The following CMTM5 variants were observed in gnomAD, a reference collection of about 807,000 sequenced individuals.
CMTM5 encodes the protein CKLF-like MARVEL transmembrane domain-containing protein 5.
A neutral mutation model predicts 26.9 loss-of-function variants in CMTM5; 25 were observed. The observed-to-expected ratio is 0.93, with a 90% CI of 0.68 to 1.30. CMTM5 has a LOEUF of 1.30. Among genes scored for constraint, CMTM5 ranks in the 50% most tolerant of loss-of-function variants. CMTM5 has a pLI of 0.00. For missense variants in CMTM5, 292 were observed against 289.6 expected, an observed-to-expected ratio of 1.01 and a Z score of -0.06; for synonymous variants, 98 against 115.5, an observed-to-expected ratio of 0.85 and a Z score of 0.97.
At position 23,378,906 on chromosome 14, in the gene CMTM5, G is replaced by GTGTCTCT. The variant is rs1566500848; in HGVS notation, c.480+39_480+40insTCTCTTG. ...GTCTCTTGAATGTGCTTCATATTGT[G>GTGTCTCT]TGAGGGGTATCCTATGGAGGGGTTC... On this transcript the variant is annotated intron_variant, in intron 3 of 5. Transcript: ENST00000339180. The surrounding 1 kb of genome is among the most constrained non-coding windows in gnomAD (Gnocchi z 4.2). 6.2e-7 allele frequency: 1 copy of GTGTCTCT among 1,610,150 alleles called. No homozygotes were observed. The highest frequency in any genetic ancestry group is 1.1e-5 in the South Asian group (1 of 90,688).
At position 23,379,766 on chromosome 14, in the gene CMTM5, A is replaced by G. The variant is rs2138573613; in HGVS notation, c.*279A>G. On this transcript the variant is annotated 3_prime_UTR_variant, in exon 6 of 6. Coordinates refer to ENST00000339180, the MANE Select transcript of CMTM5 (RefSeq NM_001288746.2). ...AGTCATTCCCAAATTAAAATATTCA[A>G]ATTCTACTGGTGAGTCTCTTTCTTC... 1 of 725,828 alleles carries G rather than the reference A, an allele frequency of 1.4e-6. No individual in the cohort carries two copies. Among genetic ancestry groups the G allele is most frequent in the Non-Finnish European group, 2.2e-6 (1 of 458,796 alleles). The allele number at this position is 725,828 out of a possible 1,614,324, so 45.0% of individuals were successfully genotyped here.
chr14:23,377,260 T>C lies in CMTM5; in HGVS notation c.9T>C (p.Ser3=), dbSNP rs550747617. Residue 3 remains serine, a synonymous_variant, in exon 1 of 6, where the codon AGT becomes AGC. Coordinates refer to ENST00000339180, the MANE Select transcript of CMTM5 (RefSeq NM_001288746.2). The surrounding 1 kb of genome is among the most constrained non-coding windows in gnomAD (Gnocchi z 4.6). Reference sequence around the variant, plus strand: ...TGGTGGGCCCTACGAAGATGCTCAGTGCTCGAGATCGCCGGGACCGGCACC... The same window carrying C: ...TGGTGGGCCCTACGAAGATGCTCAGCGCTCGAGATCGCCGGGACCGGCACC... ML[S]ARDRRDRHPE... The C allele has an allele frequency of 6.2e-7, 1 of 1,612,374 alleles. No individual in the cohort carries two copies. Among genetic ancestry groups the C allele is most frequent in the East Asian group, 2.2e-5 (1 of 44,698 alleles).
chr14:23,378,030 G>T lies in CMTM5; in HGVS notation c.127-319G>T. The T allele has an allele frequency of 3.1e-6, 1 of 327,528 alleles. No homozygotes were observed. Among genetic ancestry groups the T allele is most frequent in the Non-Finnish European group, 5.6e-6 (1 of 179,258 alleles). 20.3% of individuals were successfully genotyped at this position (327,528 alleles called of 1,614,324 possible). On this transcript the variant is annotated intron_variant, in intron 1 of 5. Transcript: ENST00000339180. This position sits in a 1 kb window ranked among gnomAD's most constrained non-coding sequence, Gnocchi z 4.2. ...TCCCTGTGGAGTCGGGTCTCTGTGG[G>T]CACAACTCCAGGGGCTGGCATTCAC...
chr14:23,379,137 T>C lies in CMTM5; in HGVS notation c.573+14T>C. ...ATTGCTGCTTTTGTGAGTTCAGCCC[T>C]GCAGGACTCCTTAGCCCCTCAAGAG... On this transcript the variant is annotated intron_variant, in intron 4 of 5. Transcript: ENST00000339180. 6 of 1,612,442 alleles carry C rather than the reference T, an allele frequency of 3.7e-6. No homozygotes were observed. The highest frequency in any genetic ancestry group is 5.1e-6 in the Non-Finnish European group (6 of 1,178,950).
Position 23,377,514 on chromosome 14 carries a change from C to A in CMTM5, c.126+137C>A. On this transcript the variant is annotated intron_variant, in intron 1 of 5. Transcript: ENST00000339180. The surrounding 1 kb of genome is among the most constrained non-coding windows in gnomAD (Gnocchi z 4.6). Reference sequence around the variant, plus strand: ...GGACACCTCTCCTGCCCGCAGCTGCCCCTTCTTCGTCTCCTACTCTGCCTT... The same window carrying A: ...GGACACCTCTCCTGCCCGCAGCTGCACCTTCTTCGTCTCCTACTCTGCCTT... The A allele has an allele frequency of 1.0e-6, 1 of 962,498 alleles. No homozygotes were observed. The highest frequency in any genetic ancestry group is 1.4e-6 in the Non-Finnish European group (1 of 690,718). The allele number at this position is 962,498 out of a possible 1,614,324, so 59.6% of individuals were successfully genotyped here.
Position 23,378,201 on chromosome 14 carries a change from G to T in CMTM5, c.127-148G>T. 1.2e-6 allele frequency: 1 copy of T among 823,882 alleles called. No homozygotes were observed. The highest frequency in any genetic ancestry group is 2.7e-5 in the East Asian group (1 of 37,466). The allele number at this position is 823,882 out of a possible 1,614,324, so 51.0% of individuals were successfully genotyped here. On this transcript the variant is annotated intron_variant, in intron 1 of 5. Coordinates refer to ENST00000339180, the MANE Select transcript of CMTM5 (RefSeq NM_001288746.2). The surrounding 1 kb of genome is among the most constrained non-coding windows in gnomAD (Gnocchi z 4.2). ...CTGCAACGGTGGCTCCTGACACCAG[G>T]GGATAGGGAGATGTGCCAGAGTCCT...
intron 4 of CMTM5, 69 bp from the exon 5 acceptor site, chr14:23,379,230 C>A (rs1301229413): frequency 1.2e-6 from 2 of 1,604,046 alleles, no homozygotes; most frequent in Non-Finnish European, 1.7e-6. Flanking sequence ...CTGGCTTGCA[C>A]CTCACCCTAT....
rs148470106 is a variant in CMTM5, at chr14:23,378,785, C to T, written c.396C>T (p.Ala132=). ...GLTPPGWHTP[A]AVPWVPAPAP... ...CCCCCCCGGGCTGGCATACTCCAGC[C>T]GCTGTCCCCTGGGTTCCAGCCCCAG... The change falls in exon 3 of 6, where the codon GCC becomes GCT. Residue 132 remains alanine (A), a synonymous_variant. Transcript: ENST00000339180. This position sits in a 1 kb window ranked among gnomAD's most constrained non-coding sequence, Gnocchi z 4.2. The T allele has an allele frequency of 5.9e-4, 957 of 1,612,576 alleles. 6 individuals carry two copies. In the African/African-American group the frequency reaches 0.011, roughly 19 times the overall value.
At position 23,378,816 on chromosome 14, in the gene CMTM5, G is replaced by A. The variant is rs1890712208; in HGVS notation, c.427G>A (p.Gly143Ser). ...AVPWVPAPAPGFWSWLLWFIC... is the reference protein window; with the variant it reads ...AVPWVPAPAPSFWSWLLWFIC... Reference sequence around the variant, plus strand: ...CCCCTGGGTTCCAGCCCCAGCGCCTGGCTTCTGGTCCTGGTTGCTCTGGTT... The same window carrying A: ...CCCCTGGGTTCCAGCCCCAGCGCCTAGCTTCTGGTCCTGGTTGCTCTGGTT... The change falls in exon 3 of 6, where the codon GGC (glycine) becomes AGC (serine). Residue 143 changes from glycine (G) to serine (S), a missense_variant. Gly to Ser is a moderately conservative substitution (Grantham distance 56). Transcript: ENST00000339180. This position sits in a 1 kb window ranked among gnomAD's most constrained non-coding sequence, Gnocchi z 4.2. 1 of 1,612,742 alleles carries A rather than the reference G, an allele frequency of 6.2e-7. No individual in the cohort carries two copies. The highest frequency in any genetic ancestry group is 8.5e-7 in the Non-Finnish European group (1 of 1,179,836).
rs772065060 is a variant in CMTM5, at chr14:23,378,779, T to C, written c.390T>C (p.Thr130=). Residue 130 remains threonine (T), a synonymous_variant, in exon 3 of 6, where the codon ACT becomes ACC. Coordinates refer to ENST00000339180, the MANE Select transcript of CMTM5 (RefSeq NM_001288746.2). This position sits in a 1 kb window ranked among gnomAD's most constrained non-coding sequence, Gnocchi z 4.2. ...GCTTGACCCCCCCGGGCTGGCATAC[T>C]CCAGCCGCTGTCCCCTGGGTTCCAG... is the stretch of plus-strand genomic sequence containing the variant. ...WPGLTPPGWH[T]PAAVPWVPAP... is the part of the protein sequence containing the mutation. The C allele has an allele frequency of 1.2e-6, 2 of 1,612,090 alleles. No homozygotes were observed. The highest frequency in any genetic ancestry group is 1.1e-5 in the South Asian group (1 of 91,036).
Position 23,377,279 on chromosome 14 carries a change from C to T in CMTM5, c.28C>T (p.Arg10Trp), listed in dbSNP as rs775493834. ...GCTCAGTGCTCGAGATCGCCGGGAC[C>T]GGCACCCTGAGGAGGGGGTAGTTGC... The part of the protein sequence containing the change: MLSARDRRD[R>W]HPEEGVVAEL... The change falls in exon 1 of 6, where the codon CGG becomes TGG. Residue 10 changes from arginine to tryptophan, a missense_variant. Arg to Trp is a moderately radical substitution (Grantham distance 101). Transcript: ENST00000339180. The surrounding 1 kb of genome is among the most constrained non-coding windows in gnomAD (Gnocchi z 4.6). The T allele has an allele frequency of 1.6e-5, 26 of 1,612,048 alleles. No individual in the cohort carries two copies. Among genetic ancestry groups the T allele is most frequent in the Non-Finnish European group, 1.8e-5 (21 of 1,179,234 alleles).
rs775167251 is a variant in CMTM5, at chr14:23,378,475, T to C, written c.253T>C (p.Phe85Leu). Residue 85 changes from phenylalanine (F) to leucine (L), a missense_variant, in exon 2 of 6, where the codon TTC becomes CTC. By Grantham distance (22) the Phe-to-Leu change is conservative (BLOSUM62 0). Transcript: ENST00000339180. The surrounding 1 kb of genome is among the most constrained non-coding windows in gnomAD (Gnocchi z 4.2). ...FLYATQYYQRFDRINWPCLLQ... is the reference protein window; with the variant it reads ...FLYATQYYQRLDRINWPCLLQ... The stretch of plus-strand genomic sequence containing the variant: ...CTATGCCACCCAGTACTACCAGCGC[T>C]TCGACCGAATTAACTGGCCCTGTCT... 22 of 1,614,134 alleles carry C rather than the reference T, an allele frequency of 1.4e-5. No individual in the cohort carries two copies. Among genetic ancestry groups the C allele is most frequent in the Non-Finnish European group, 1.9e-5 (22 of 1,180,006 alleles).
chr14:23,378,323 C>T lies in CMTM5; in HGVS notation c.127-26C>T. 6.2e-7 allele frequency: 1 copy of T among 1,612,570 alleles called. No individual in the cohort carries two copies. The highest frequency in any genetic ancestry group is 1.3e-5 in the African/African-American group (1 of 75,002). On this transcript the variant is annotated intron_variant, in intron 1 of 5. Transcript: ENST00000339180. This position sits in a 1 kb window ranked among gnomAD's most constrained non-coding sequence, Gnocchi z 4.2. ...GCCCCTGCCTGTGTCCCCTTCTTGGCATGTTCCACATGCTCGGTCCTGCAG... is the reference window on the plus strand; with the variant it reads ...GCCCCTGCCTGTGTCCCCTTCTTGGTATGTTCCACATGCTCGGTCCTGCAG...
chr14:23,378,761 C>A lies in CMTM5; in HGVS notation c.372C>A (p.Thr124=), dbSNP rs548223896. 1.2e-5 allele frequency: 19 copies of A among 1,612,226 alleles called. No homozygotes were observed. The highest frequency in any genetic ancestry group is 1.1e-4 in the South Asian group (10 of 91,062). Residue 124 remains threonine, a synonymous_variant, in exon 3 of 6, where the codon ACC becomes ACA. Coordinates refer to ENST00000339180, the MANE Select transcript of CMTM5 (RefSeq NM_001288746.2). The surrounding 1 kb of genome is among the most constrained non-coding windows in gnomAD (Gnocchi z 4.2). ...KVQPQPWPGL[T]PPGWHTPAAV... ...AGCCCCAGCCCTGGCCTGGCTTGACCCCCCCGGGCTGGCATACTCCAGCCG... is the reference window on the plus strand; with the variant it reads ...AGCCCCAGCCCTGGCCTGGCTTGACACCCCCGGGCTGGCATACTCCAGCCG...
rs751024558 is a variant in CMTM5, at chr14:23,378,696, C to G, written c.307C>G (p.Pro103Ala). The change falls in exon 3 of 6, where the codon CCA (proline) becomes GCA (alanine). Residue 103 changes from proline (P) to alanine (A), a missense_variant. Pro to Ala is a conservative substitution (Grantham distance 27). Transcript: ENST00000339180. The surrounding 1 kb of genome is among the most constrained non-coding windows in gnomAD (Gnocchi z 4.2). The stretch of plus-strand genomic sequence containing the variant: ...GCAGGGCCACGGGCAATCAGGAGGA[C>G]CACATCCGCTAGATCTACTCTCCCA... ...LLQGHGQSGGPHPLDLLSHSA... is the reference protein window; with the variant it reads ...LLQGHGQSGGAHPLDLLSHSA... 2 of 1,612,902 alleles carry G rather than the reference C, an allele frequency of 1.2e-6. No homozygotes were observed. The highest frequency in any genetic ancestry group is 1.7e-6 in the Non-Finnish European group (2 of 1,179,868).
At position 23,378,400 on chromosome 14, in the gene CMTM5, A is replaced by G; in HGVS notation, c.178A>G (p.Met60Val). 3.7e-6 allele frequency: 6 copies of G among 1,614,018 alleles called. No homozygotes were observed. The highest frequency in any genetic ancestry group is 5.1e-6 in the Non-Finnish European group (6 of 1,179,982). The part of the protein sequence containing the change: ...ICFTASISAY[M>V]AAALLEFFIT... ...CTTCACGGCCTCCATCTCTGCCTAC[A>G]TGGCCGCGGCGCTACTGGAGTTCTT... Residue 60 changes from methionine (M) to valine (V), a missense_variant, in exon 2 of 6, where the codon ATG becomes GTG. By Grantham distance (21) the Met-to-Val change is conservative (BLOSUM62 1). Coordinates refer to ENST00000339180, the MANE Select transcript of CMTM5 (RefSeq NM_001288746.2). This position sits in a 1 kb window ranked among gnomAD's most constrained non-coding sequence, Gnocchi z 4.2.
At position 23,379,694 on chromosome 14, in the gene CMTM5, G is replaced by A. The variant is rs1214659903; in HGVS notation, c.*207G>A. ...TCATGAAGCTCTGGCCAGAGGAGGG[G>A]AACTTATTGGGGGAGGGGGGGTGGA... On this transcript the variant is annotated 3_prime_UTR_variant, in exon 6 of 6. Coordinates refer to ENST00000339180, the MANE Select transcript of CMTM5 (RefSeq NM_001288746.2). The A allele has an allele frequency of 3.3e-6, 2 of 605,852 alleles. No homozygotes were observed. Among genetic ancestry groups the A allele is most frequent in the Non-Finnish European group, 5.0e-6 (2 of 401,516 alleles). The allele number at this position is 605,852 out of a possible 1,614,324, so 37.5% of individuals were successfully genotyped here.
rs764029865 is a variant in CMTM5, at chr14:23,379,290, C to T, written c.574-9C>T. 8 of 1,614,126 alleles carry T rather than the reference C, an allele frequency of 5.0e-6. No individual in the cohort carries two copies. The highest frequency in any genetic ancestry group is 1.6e-4 in the Middle Eastern group (1 of 6,062). The stretch of plus-strand genomic sequence containing the variant: ...CTCTGTTTTGCCATCCCCACTCCCA[C>T]TCCCACAGGTTTTTGGCATCATCCT... On this transcript the variant is annotated splice_polypyrimidine_tract_variant and intron_variant, in intron 4 of 5. Coordinates refer to ENST00000339180, the MANE Select transcript of CMTM5 (RefSeq NM_001288746.2).
chr14:23,378,977 G>A lies in CMTM5; in HGVS notation c.481-54G>A, dbSNP rs1476935855. 3.7e-6 allele frequency: 6 copies of A among 1,609,798 alleles called. No individual in the cohort carries two copies. In the Admixed American group the frequency reaches 5.0e-5, roughly 13 times the overall value. The stretch of plus-strand genomic sequence containing the variant: ...TGCTGGCTAGCCTGGAAAACTTCAG[G>A]GTAACGCCCCCTGCCTTCTGAGGTC... On this transcript the variant is annotated intron_variant, in intron 3 of 5. Coordinates refer to ENST00000339180, the MANE Select transcript of CMTM5 (RefSeq NM_001288746.2). This position sits in a 1 kb window ranked among gnomAD's most constrained non-coding sequence, Gnocchi z 4.2.
Sources: allele counts gnomAD v4.1 joint callset, GRCh38; gene constraint gnomAD v4.1.1; non-coding constraint Gnocchi (gnomAD v3.1); transcripts MANE v1.5; gene names NCBI Gene and HGNC (gene_info 2026-07-23, HGNC 2026-07-21).